Variants in AKT1 observed in about 807,000 individuals in gnomAD.
AKT1 encodes RAC-alpha serine/threonine-protein kinase.
A neutral mutation model predicts 63.1 loss-of-function variants in AKT1; 21 were observed. The ratio of observed to expected loss-of-function variants is 0.33; its 90% confidence interval spans 0.24 to 0.48. AKT1 has a LOEUF of 0.48. AKT1 is among the 20% of genes least tolerant of loss of function. AKT1 has a pLI of 0.99. For missense variants in AKT1, 382 were observed against 666.0 expected, an observed-to-expected ratio of 0.57 and a Z score of 4.69; for synonymous variants, 257 against 253.1, an observed-to-expected ratio of 1.02 and a Z score of -0.15.
chr14:104,773,156 G>C, intron 11 of AKT1, 64 bp from the exon 12 acceptor site: 1 of 1,610,202 alleles, frequency 6.2e-7, no homozygotes. Flanking sequence ...GCCGGGGGAG[G>C]TGTGACGTGC....
intron 3 of AKT1, among the ~76,000 whole-genome samples, chr14:104,789,667 C>G (rs1893523890): frequency 6.6e-6 from 1 of 152,214 alleles, no homozygotes; most frequent in Admixed American, 6.5e-5. Flanking sequence ...CTGAGCCCAC[C>G]AGACCACCAA....
intron 3 of AKT1, among the ~76,000 whole-genome samples, chr14:104,787,891 T>C (rs746762133): frequency 1.3e-5 from 2 of 152,184 alleles, no homozygotes; most frequent in East Asian, 1.9e-4. Context: ...CTCGGCTTCC[T>C]CTTTTGTTGT....
chr14:104,775,829 T>C (rs1207820074), intron 5 of AKT1, 30 bp from the exon 6 acceptor site: 2 of 1,609,572 alleles, frequency 1.2e-6, no homozygotes, highest in South Asian at 1.1e-5. Flanking sequence ...GCTGCAGGCC[T>C]GTACCAGATC....
chr14:104,769,428 T>C lies in AKT1; in HGVS notation c.*913A>G. The C allele has an allele frequency of 5.2e-6, 2 of 385,770 alleles. No individual in the cohort carries two copies. Among genetic ancestry groups the C allele is most frequent in the Admixed American group, 4.3e-5 (1 of 23,470 alleles). The allele number at this position is 385,770 out of a possible 1,614,324, so 23.9% of individuals were successfully genotyped here. ...TAATAGTAAAAATACTAAAGTTGAATGTTGTAAAAAAACGCCGTGGTGCAG... is the reference window on the plus strand; with the variant it reads ...TAATAGTAAAAATACTAAAGTTGAACGTTGTAAAAAAACGCCGTGGTGCAG... On this transcript the variant is annotated 3_prime_UTR_variant, in exon 15 of 15. Coordinates refer to ENST00000649815, the MANE Select transcript of AKT1 (RefSeq NM_001382430.1).
intron 3 of AKT1, among the ~76,000 whole-genome samples, chr14:104,789,105 T>C (rs532279140): frequency 6.6e-6 from 1 of 152,208 alleles, no homozygotes; most frequent in Non-Finnish European, 1.5e-5. Context: ...CAGCCAGGCC[T>C]GCAGCTCTTC....
At chr14:104,783,739 G>T (rs973484021) in intron 3 of AKT1, among the ~76,000 whole-genome samples, 33 of 152,096 alleles carry the variant, frequency 2.2e-4, no homozygotes, top group Non-Finnish European at 2.9e-4. Flanking sequence ...GGCCCAGGGG[G>T]CCTCTTCAGT....
At chr14:104,771,107 G>C in intron 13 of AKT1, 1 of 509,556 alleles carries the variant, frequency 2.0e-6, no homozygotes, top group Non-Finnish European at 3.5e-6. Flanking sequence ...GGCGACAGGA[G>C]GTAGTGCAGC....
At chr14:104,775,490 C>T in intron 6 of AKT1, 162 bp downstream of exon 6, 1 of 1,141,260 alleles carries the variant, frequency 8.8e-7, no homozygotes, top group South Asian at 1.6e-5. Context: ...GGGAAGAGGA[C>T]CCACCTGGGA....
intron 4 of AKT1, chr14:104,777,269 G>GGGCACAGC (rs1892773855): frequency 2.5e-5 from 3 of 120,364 alleles, no homozygotes; most frequent in Admixed American, 1.0e-4. Context: ...TGGGGCACAG[G>GGGCACAGC]CACACCTGGG....
intron 3 of AKT1, among the ~76,000 whole-genome samples, chr14:104,788,834 C>T (rs967214352): frequency 8.5e-5 from 13 of 152,154 alleles, no homozygotes; most frequent in African/African-American, 3.1e-4. Flanking sequence ...TGCCCTGAGG[C>T]CTGGACTGGG....
At chr14:104,792,799 C>A in intron 2 of AKT1, 77 bp from the exon 3 acceptor site, 1 of 890,762 alleles carries the variant, frequency 1.1e-6, no homozygotes, top group Non-Finnish European at 1.8e-6. Context: ...GAGCCAGAGA[C>A]CCACTGCACG....
intron 4 of AKT1, chr14:104,777,779 C>T (rs913444110): frequency 1.0e-5 from 10 of 983,492 alleles, no homozygotes; most frequent in Non-Finnish European, 1.2e-5. Flanking sequence ...GGGGGCCTGG[C>T]CAGGCAGCAA....
chr14:104,779,903 GC>G (rs1892938410), intron 4 of AKT1, among the ~76,000 whole-genome samples, 184 bp downstream of exon 4: 1 of 150,996 alleles, frequency 6.6e-6, no homozygotes, highest in South Asian at 2.1e-4. Context: ...TTGGGACTCA[GC>G]CCGGAGACCC....
intron 3 of AKT1, 30 bp downstream of exon 3, chr14:104,792,568 C>T (rs745331344): frequency 1.2e-6 from 2 of 1,611,786 alleles, no homozygotes; most frequent in South Asian, 2.2e-5. Flanking sequence ...CTCTCCCTCC[C>T]CAGGCCCAGC....
chr14:104,786,626 C>T (rs911336859), intron 3 of AKT1, among the ~76,000 whole-genome samples: 3 of 152,358 alleles, frequency 2.0e-5, no homozygotes, highest in Admixed American at 6.5e-5. Flanking sequence ...GGGAAGCACC[C>T]GCCACAGAGG....
intron 4 of AKT1, chr14:104,777,738 C>T (rs985175623): frequency 2.4e-5 from 24 of 985,496 alleles, no homozygotes; most frequent in Non-Finnish European, 2.8e-5. Context: ...GGGCCTCTGA[C>T]ATTCCAGCAT....
rs1362297007 is a variant in AKT1, at chr14:104,795,601, C to A, written c.-375G>T. 2 of 145,428 alleles carry A rather than the reference C, an allele frequency of 1.4e-5. No individual in the cohort carries two copies. The highest frequency in any genetic ancestry group is 4.9e-5 in the African/African-American group (2 of 40,566). 9.0% of individuals were successfully genotyped at this position (145,428 alleles called of 1,614,324 possible). On this transcript the variant is annotated 5_prime_UTR_variant, in exon 1 of 15. Transcript: ENST00000649815. The surrounding 1 kb of genome is among the most constrained non-coding windows in gnomAD (Gnocchi z 5.1). ...GGGCCGGGCTGGAGGCCGCGGCGGGCGGGGGCGCTGCTCGGGGCCGGGCCT... is the reference window on the plus strand; with the variant it reads ...GGGCCGGGCTGGAGGCCGCGGCGGGAGGGGGCGCTGCTCGGGGCCGGGCCT...
chr14:104,791,461 C>G (rs531626831), intron 3 of AKT1, among the ~76,000 whole-genome samples: 5 of 152,198 alleles, frequency 3.3e-5, no homozygotes, highest in Non-Finnish European at 7.4e-5. Flanking sequence ...GTCTTCATCT[C>G]GAGGCCCCGC....
rs1893851958 is a variant in AKT1 at position 104,795,565 on chromosome 14, G to A, written c.-339C>T. 1 of 145,812 alleles carries A rather than the reference G, an allele frequency of 6.9e-6. No individual in the cohort carries two copies. Among genetic ancestry groups the A allele is most frequent in the Non-Finnish European group, 1.5e-5 (1 of 65,670 alleles). 9.0% of individuals were successfully genotyped at this position (145,812 alleles called of 1,614,324 possible). On this transcript the variant is annotated 5_prime_UTR_variant, in exon 1 of 15. Coordinates refer to ENST00000649815, the MANE Select transcript of AKT1 (RefSeq NM_001382430.1). This position sits in a 1 kb window ranked among gnomAD's most constrained non-coding sequence, Gnocchi z 5.1. Reference sequence around the variant, plus strand: ...CCGCCGCTCCGCATCCCCGCGGGCCGGCGCTGGGCGGGGCCGGGCTGGAGG... The same window carrying A: ...CCGCCGCTCCGCATCCCCGCGGGCCAGCGCTGGGCGGGGCCGGGCTGGAGG...
Sources: allele counts gnomAD v4.1 joint callset (sites outside exome capture counted in the v4.1 genomes callset), GRCh38; gene constraint gnomAD v4.1.1; non-coding constraint Gnocchi (gnomAD v3.1); transcripts MANE v1.5; gene names NCBI Gene and HGNC (gene_info 2026-07-23, HGNC 2026-07-21).